MYO16: variants seen among roughly 807,000 people sequenced by gnomAD.
MYO16 encodes the protein myosin XVI, also known as unconventional myosin-XVI.
A neutral mutation model predicts 205.3 loss-of-function variants in MYO16; 94 were observed. The observed-to-expected ratio is 0.46, with a 90% confidence interval of 0.39 to 0.54. The LOEUF is 0.54. Ranked by LOEUF, MYO16 falls within the 20% of genes least tolerant of loss-of-function variation. The pLI, the probability that MYO16 is intolerant of heterozygous loss-of-function variation, is 0.00. For missense variants in MYO16, 2,315 were observed against 2,387.5 expected (o/e 0.97, Z 0.63); for synonymous variants, 988 against 954.0 (o/e 1.04, Z -0.66).
chr13:108,710,022 T>C (rs1883659179), intron 2 of MYO16, among the ~76,000 whole-genome samples: 1 of 79,216 alleles, frequency 1.3e-5, no homozygotes, highest in South Asian at 5.6e-4. Flanking sequence ...CTAGCCTGTT[T>C]CTCTGTGATG....
intron 1 of MYO16, among the ~76,000 whole-genome samples, chr13:108,636,346 C>T (rs1594163003): frequency 1.2e-5 from 1 of 81,298 alleles, no homozygotes; most frequent in Non-Finnish European, 2.3e-5. Flanking sequence ...AAATATTTCC[C>T]TTTTTTTTTT....
At chr13:108,970,770 C>A (rs572461748) in intron 20 of MYO16, among the ~76,000 whole-genome samples, 1 of 152,286 alleles carries the variant, frequency 6.6e-6, no homozygotes, top group East Asian at 1.9e-4. Flanking sequence ...TGGTTGCTCC[C>A]ACCCCCTCCG....
At chr13:108,586,157 C>T in the MYO16 span, among the ~76,000 whole-genome samples, 1 of 152,024 alleles carries the variant, frequency 6.6e-6, no homozygotes, top group Non-Finnish European at 1.5e-5. Flanking sequence ...CACACATACA[C>T]ACATGTATCC....
intron 10 of MYO16, among the ~76,000 whole-genome samples, chr13:108,850,838 G>C (rs1233952620): frequency 6.6e-6 from 1 of 152,128 alleles, no homozygotes; most frequent in African/African-American, 2.4e-5. Flanking sequence ...CTATAAACAG[G>C]CTAGGGAGTA....
intron 1 of MYO16, among the ~76,000 whole-genome samples, chr13:108,646,657 T>C (rs1406534430): frequency 1.3e-5 from 2 of 152,198 alleles, no homozygotes; most frequent in Admixed American, 6.5e-5. Context: ...GAGCACTATA[T>C]CTAGTCCTCT....
chr13:108,780,359 T>TAAA (rs34109900), intron 4 of MYO16, among the ~76,000 whole-genome samples: 2 of 145,130 alleles, frequency 1.4e-5, no homozygotes, highest in Non-Finnish European at 1.5e-5. Flanking sequence ...ACGTCTGATT[T>TAAA]AAAAAAAAAA....
intron 12 of MYO16, among the ~76,000 whole-genome samples, chr13:108,872,326 T>C (rs1217593009): frequency 1.3e-5 from 2 of 152,188 alleles, no homozygotes; most frequent in South Asian, 2.1e-4. Flanking sequence ...AACTTTAACA[T>C]AATATTTTTT....
At chr13:108,682,555 G>T (rs1488266084) in intron 2 of MYO16, among the ~76,000 whole-genome samples, 1 of 152,008 alleles carries the variant, frequency 6.6e-6, no homozygotes, top group African/African-American at 2.4e-5. Context: ...ATAGATAAAT[G>T]CTATAGATTA....
chr13:109,127,255 G>C lies in MYO16; in HGVS notation c.3783-27G>C. 6.5e-7 allele frequency: 1 copy of C among 1,547,640 alleles called. No individual in the cohort carries two copies. The highest frequency in any genetic ancestry group is 1.7e-4 in the Middle Eastern group (1 of 5,732). On this transcript the variant is annotated intron_variant, in intron 30 of 34. Coordinates refer to ENST00000457511, the MANE Select transcript of MYO16 (RefSeq NM_001198950.3). The surrounding 1 kb of genome is among the most constrained non-coding windows in gnomAD (Gnocchi z 4.2). ...TGCATCTGGGCCTCTCTGGCGTGGT[G>C]CTGTTTGTGTTTTGTTTCCCCCTAA...
At chr13:108,648,983 C>T (rs944361152) in intron 1 of MYO16, among the ~76,000 whole-genome samples, 1 of 150,380 alleles carries the variant, frequency 6.6e-6, no homozygotes, top group Non-Finnish European at 1.5e-5. Flanking sequence ...GCCATGATAT[C>T]CTCATGGGCT....
chr13:108,553,389 G>A, the MYO16 span, among the ~76,000 whole-genome samples: 3 of 152,134 alleles, frequency 2.0e-5, no homozygotes, highest in African/African-American at 7.2e-5. Context: ...CCCTTTGACA[G>A]GCTCTTTTAT....
At chr13:108,604,829 C>T (rs946577567) in intron 1 of MYO16, among the ~76,000 whole-genome samples, 3 of 152,136 alleles carry the variant, frequency 2.0e-5, no homozygotes, top group Admixed American at 1.3e-4. Context: ...GGTACAATGT[C>T]TGTTTTTCCA....
chr13:108,591,564 T>C (rs969025368), upstream of MYO16, among the ~76,000 whole-genome samples: 6 of 152,316 alleles, frequency 3.9e-5, no homozygotes, highest in African/African-American at 1.4e-4. Flanking sequence ...TGGCTTTTCA[T>C]AATGATTGGA....
chr13:108,933,132 A>G (rs1296712983), intron 16 of MYO16, among the ~76,000 whole-genome samples: 1 of 152,202 alleles, frequency 6.6e-6, no homozygotes, highest in Non-Finnish European at 1.5e-5. Context: ...AAGAAAGAGT[A>G]TACCAAGGCA....
intron 1 of MYO16, among the ~76,000 whole-genome samples, chr13:108,647,888 G>T (rs749176506): frequency 6.6e-6 from 1 of 152,164 alleles, no homozygotes; most frequent in Non-Finnish European, 1.5e-5. Context: ...GAATACATTA[G>T]CAGATGAATG....
At chr13:109,173,700 C>G (rs1180605773) in intron 33 of MYO16, among the ~76,000 whole-genome samples, 1 of 151,012 alleles carries the variant, frequency 6.6e-6, no homozygotes, top group African/African-American at 2.4e-5. Context: ...TCGAGACCAT[C>G]CTGGCTAACA....
intron 27 of MYO16, among the ~76,000 whole-genome samples, chr13:109,087,653 C>A (rs574371510): frequency 6.6e-6 from 1 of 152,006 alleles, no homozygotes; most frequent in Non-Finnish European, 1.5e-5. Flanking sequence ...CTCAAACAAA[C>A]GAACTAAAAA....
intron 23 of MYO16, among the ~76,000 whole-genome samples, chr13:109,022,889 T>G (rs1383794625): frequency 1.5e-5 from 2 of 136,034 alleles, no homozygotes; most frequent in African/African-American, 5.3e-5. Context: ...ATTTATTATA[T>G]ATACACATGT....
intron 1 of MYO16, among the ~76,000 whole-genome samples, chr13:108,643,888 G>A (rs1213729358): frequency 6.6e-6 from 1 of 152,138 alleles, no homozygotes; most frequent in East Asian, 1.9e-4. Flanking sequence ...TGCCATGGAG[G>A]ATTTCACTAG....
Sources: allele counts gnomAD v4.1 joint callset (sites outside exome capture counted in the v4.1 genomes callset), GRCh38; gene constraint gnomAD v4.1.1; non-coding constraint Gnocchi (gnomAD v3.1); transcripts MANE v1.5; gene names NCBI Gene and HGNC (gene_info 2026-07-23, HGNC 2026-07-21).